Variants in LIPC observed in about 807,000 individuals in gnomAD.
LIPC encodes the protein hepatic triacylglycerol lipase.
In LIPC, 44 loss-of-function variants were observed where a neutral mutation model predicts 50.7. The ratio of observed to expected loss-of-function variants is 0.87; its 90% CI spans 0.68 to 1.11. The LOEUF is 1.11. Among genes scored for constraint, LIPC ranks in the 50% most tolerant of loss-of-function variants. The pLI, the probability that LIPC is intolerant of heterozygous loss-of-function variation, is 0.00. For synonymous variants in LIPC, 271 were observed against 256.4 expected (o/e 1.06, Z -0.54); for missense variants, 697 against 648.2 (o/e 1.08, Z -0.82).
At chr15:58,550,876 G>A (rs991078198) in intron 6 of LIPC, among the ~76,000 whole-genome samples, 5 of 111,400 alleles carry the variant, frequency 4.5e-5, no homozygotes, top group South Asian at 3.1e-4. Flanking sequence ...TCACTCTGTC[G>A]CCCAGGCTGG....
intron 8 of LIPC, chr15:58,565,379 G>A (rs1352576207): frequency 4.0e-6 from 6 of 1,506,418 alleles, no homozygotes; most frequent in Admixed American, 2.0e-5. Context: ...ACCTGAAAGG[G>A]TGGCTAAAGC....
chr15:58,534,469 G>A (rs1252254471), intron 1 of LIPC, among the ~76,000 whole-genome samples: 1 of 152,160 alleles, frequency 6.6e-6, no homozygotes, highest in African/African-American at 2.4e-5. Context: ...CTCAGTCCTA[G>A]AGGCTGCTGC....
At chr15:58,497,383 G>A (rs1270798162) in intron 1 of LIPC, among the ~76,000 whole-genome samples, 2 of 151,898 alleles carry the variant, frequency 1.3e-5, no homozygotes, top group African/African-American at 4.9e-5. Flanking sequence ...GTGTTTATTG[G>A]GCAAGGAGAA....
chr15:58,562,730 C>T (rs572084914), intron 7 of LIPC, among the ~76,000 whole-genome samples: 6 of 152,254 alleles, frequency 3.9e-5, no homozygotes, highest in African/African-American at 1.4e-4. Context: ...ATGCTCACAA[C>T]CTGGCAGGGC....
intron 1 of LIPC, among the ~76,000 whole-genome samples, chr15:58,531,145 T>C (rs1296250724): frequency 2.6e-5 from 4 of 152,228 alleles, no homozygotes; most frequent in Non-Finnish European, 4.4e-5. Context: ...GTTTTGTCAG[T>C]CTTTTTAATT....
intron 1 of LIPC, among the ~76,000 whole-genome samples, chr15:58,534,121 C>T (rs763307371): frequency 1.3e-5 from 2 of 151,988 alleles, no homozygotes; most frequent in African/African-American, 2.4e-5. Context: ...CAATAGGAAA[C>T]GTAGGAAGAA....
intron 1 of LIPC, among the ~76,000 whole-genome samples, chr15:58,483,611 C>G (rs1056508498): frequency 6.6e-6 from 1 of 152,178 alleles, no homozygotes; most frequent in Non-Finnish European, 1.5e-5. Flanking sequence ...AAATAAACCA[C>G]AGATACAAAG....
intron 1 of LIPC, among the ~76,000 whole-genome samples, chr15:58,479,602 G>A (rs1314545892): frequency 6.6e-6 from 1 of 152,200 alleles, no homozygotes; most frequent in Admixed American, 6.5e-5. Flanking sequence ...AATGCAGATT[G>A]TAATTTGTAG....
At chr15:58,528,044 G>A (rs75575863) in intron 1 of LIPC, among the ~76,000 whole-genome samples, 1 of 151,812 alleles carries the variant, frequency 6.6e-6, no homozygotes, top group South Asian at 2.1e-4. Flanking sequence ...GGAGGCCGAG[G>A]CAGGAGAATC....
At chr15:58,551,529 A>G (rs866428151) in intron 6 of LIPC, among the ~76,000 whole-genome samples, 2 of 152,224 alleles carry the variant, frequency 1.3e-5, no homozygotes, top group South Asian at 2.1e-4. Context: ...AAACATTTCC[A>G]TCGCCGCGGA....
intron 1 of LIPC, among the ~76,000 whole-genome samples, chr15:58,450,448 A>C (rs1445657365): frequency 4.6e-5 from 7 of 152,222 alleles, no homozygotes; most frequent in Admixed American, 3.9e-4. Flanking sequence ...GAGACCAATC[A>C]TGGGAGAGAT....
chr15:58,436,169 G>C (rs1479277280), intron 1 of LIPC: 1 of 153,290 alleles, frequency 6.5e-6, no homozygotes, highest in Non-Finnish European at 1.5e-5. Flanking sequence ...GCAAGAGTAA[G>C]TGTGCGATGG....
At chr15:58,435,727 T>C (rs1296961008) in intron 1 of LIPC, 3 of 152,120 alleles carry the variant, frequency 2.0e-5, no homozygotes, top group African/African-American at 7.2e-5. Context: ...CTGGCCAACA[T>C]GGTAAAATGC....
At chr15:58,532,682 C>T (rs73426709) in intron 1 of LIPC, among the ~76,000 whole-genome samples, 5,559 of 152,216 alleles carry the variant, frequency 0.037, 355 homozygotes, top group African/African-American at 0.13. Context: ...CAGCTTCTAG[C>T]CCAGGCATCA....
Position 58,545,850 on chromosome 15 carries a change from T to C in LIPC, c.683T>C (p.Met228Thr). ...ATTCATACCTTTACCCGGGAGCACA[T>C]GGGCCTGAGCGTGGGCATCAAACAG... ...DAIHTFTREHMGLSVGIKQPI... is the reference protein window; with the variant it reads ...DAIHTFTREHTGLSVGIKQPI... Residue 228 changes from methionine (M) to threonine (T), a missense_variant, in exon 5 of 9, where the codon ATG (methionine) becomes ACG (threonine). Met to Thr is a moderately conservative substitution (Grantham distance 81). Coordinates refer to ENST00000299022, the MANE Select transcript of LIPC (RefSeq NM_000236.3). 3 of 1,614,152 alleles carry C rather than the reference T, an allele frequency of 1.9e-6. No individual in the cohort carries two copies. The highest frequency in any genetic ancestry group is 1.3e-5 in the African/African-American group (1 of 75,034).
chr15:58,497,990 G>A lies in LIPC; in HGVS notation c.89-40343G>A, dbSNP rs375408413. On this transcript the variant is annotated intron_variant, in intron 1 of 8. Coordinates refer to ENST00000299022, the MANE Select transcript of LIPC (RefSeq NM_000236.3). Reference sequence around the variant, plus strand: ...TTATATCTAAGATTCAGGCTCTGTAGAACCTGGCTCTTTCCGGCCAAAATA... The same window carrying A: ...TTATATCTAAGATTCAGGCTCTGTAAAACCTGGCTCTTTCCGGCCAAAATA... The A allele has an allele frequency of 1.1e-4, 16 of 152,276 alleles. No individual in the cohort carries two copies. In the East Asian group the frequency reaches 2.7e-3, roughly 26 times the overall value. 9.4% of individuals were successfully genotyped at this position (152,276 alleles called of 1,614,324 possible). A position where few individuals can be genotyped will look rare whatever the true frequency, so the allele number is the denominator to read the frequency against.
At chr15:58,444,472 C>A (rs1210636952) in intron 1 of LIPC, among the ~76,000 whole-genome samples, 1 of 152,186 alleles carries the variant, frequency 6.6e-6, no homozygotes, top group African/African-American at 2.4e-5. Flanking sequence ...GACAGAGGAC[C>A]ACAGACTGGG....
rs567768853 is a variant in LIPC, at chr15:58,449,918, T to C, written c.88+17798T>C. ...CTCCATTCTGCTTTGTCTGGTGATG[T>C]TGGTCCCACCCTGTACCCACCATCA... On this transcript the variant is annotated intron_variant, in intron 1 of 8. Transcript: ENST00000299022. 1.1e-3 allele frequency among the ~76,000 whole-genome samples: 162 copies of C among 152,320 alleles called. 1 individual carries two copies. The highest frequency in any genetic ancestry group is 3.7e-3 in the African/African-American group (153 of 41,570).
rs1453167787 is a variant in LIPC at position 58,541,961 on chromosome 15, G to C, written c.450G>C (p.Trp150Cys). 2 of 1,608,092 alleles carry C rather than the reference G, an allele frequency of 1.2e-6. No homozygotes were observed. Among genetic ancestry groups the C allele is most frequent in the African/African-American group, 2.7e-5 (2 of 74,894 alleles). Residue 150 changes from tryptophan (W) to cysteine (C), a missense_variant, in exon 3 of 9, where the codon TGG (tryptophan) becomes TGC (cysteine). Transcript: ENST00000299022. ...AGGAGGTCGCGGCTCTTCTCCGGTG[G>C]CTGGAGGTACCGACCTGCCCCATCC... ...VGKEVAALLRWLEESVQLSRS... is the reference protein window; with the variant it reads ...VGKEVAALLRCLEESVQLSRS...
Sources: gnomAD v4.1 joint callset for allele counts (sites outside exome capture counted in the v4.1 genomes callset) on GRCh38, gnomAD v4.1.1 for gene constraint, MANE v1.5 for transcripts, NCBI Gene and HGNC (gene_info 2026-07-23, HGNC 2026-07-21) for gene names.